The following USP31 variants were observed in gnomAD, a reference collection of about 807,000 sequenced individuals.
USP31 encodes the protein ubiquitin specific peptidase 31, also known as ubiquitin carboxyl-terminal hydrolase 31.
A neutral mutation model predicts 119.4 loss-of-function variants in USP31; 44 were observed. The ratio of observed to expected loss-of-function variants is 0.37; its 90% CI spans 0.29 to 0.47. The LOEUF is 0.47. Among genes scored for constraint, USP31 ranks in the 20% least tolerant of loss-of-function variants. The probability of loss-of-function intolerance (pLI) is 0.99; values close to 1 mark genes in which losing one functional copy is unlikely to be tolerated. For missense variants in USP31, 1,643 were observed against 1,730.2 expected, an observed-to-expected ratio of 0.95 and a Z score of 0.89; for synonymous variants, 749 against 705.6, an observed-to-expected ratio of 1.06 and a Z score of -0.97.
chr16:23,142,967 T>C (rs1903395014), intron 1 of USP31, among the ~76,000 whole-genome samples: 1 of 152,182 alleles, frequency 6.6e-6, no homozygotes, highest in Non-Finnish European at 1.5e-5. Flanking sequence ...GTTTGCAGCA[T>C]AGCACCAGAA....
intron 1 of USP31, among the ~76,000 whole-genome samples, chr16:23,122,552 C>T (rs932707726): frequency 1.3e-5 from 2 of 152,144 alleles, no homozygotes; most frequent in Non-Finnish European, 2.9e-5. Context: ...GTAGAAACAA[C>T]TCAAATGTCC....
At position 23,102,406 on chromosome 16, in the gene USP31, C is replaced by A; in HGVS notation, c.1147G>T (p.Asp383Tyr). Residue 383 changes from aspartate to tyrosine, a missense_variant, in exon 6 of 16, where the codon GAC becomes TAC. Coordinates refer to ENST00000219689, the MANE Select transcript of USP31 (RefSeq NM_020718.4). ...TCGCTTTCATGGACTGTTTCCAGGT[C>A]GTCTGTATCACAAAAGGAACGATGG... ...GFHRSFCDTDDLETVHESDCI... is the reference protein window; with the variant it reads ...GFHRSFCDTDYLETVHESDCI... 6.2e-7 allele frequency: 1 copy of A among 1,613,624 alleles called. No homozygotes were observed. Among genetic ancestry groups the A allele is most frequent in the South Asian group, 1.1e-5 (1 of 91,026 alleles).
At chr16:23,079,854 G>A (rs2141838605) in intron 13 of USP31, 92 bp downstream of exon 13, 1 of 1,230,978 alleles carries the variant, frequency 8.1e-7, no homozygotes, top group South Asian at 1.7e-5. Context: ...TACCGGAGGG[G>A]AAATGAGGCT....
chr16:23,124,604 A>C (rs1489666486), intron 1 of USP31, among the ~76,000 whole-genome samples: 1 of 152,132 alleles, frequency 6.6e-6, no homozygotes, highest in Non-Finnish European at 1.5e-5. Flanking sequence ...CATAACCTAG[A>C]GCATCATGGC....
chr16:23,124,263 C>G (rs749837022), intron 1 of USP31, among the ~76,000 whole-genome samples: 1 of 152,108 alleles, frequency 6.6e-6, no homozygotes. Flanking sequence ...CAAGGAACAA[C>G]TGAGTATGTC....
rs1445064037 is a variant in USP31, at chr16:23,149,012, G to C, written c.259C>G (p.Arg87Gly). The change falls in exon 1 of 16, where the codon CGC becomes GGC. Residue 87 changes from arginine (R) to glycine (G), a missense_variant. Arg to Gly is a moderately radical substitution (Grantham distance 125). Transcript: ENST00000219689. ...HLSSEGAAPDRGGLRSCFPPG... is the reference protein window; with the variant it reads ...HLSSEGAAPDGGGLRSCFPPG... ...GGGAAGCAGCTGCGGAGGCCGCCGCGGTCTGGGGCGGCGCCCTCAGAGCTA... is the reference window on the plus strand; with the variant it reads ...GGGAAGCAGCTGCGGAGGCCGCCGCCGTCTGGGGCGGCGCCCTCAGAGCTA... 13 of 1,126,718 alleles carry C rather than the reference G, an allele frequency of 1.2e-5. No homozygotes were observed. Among genetic ancestry groups the C allele is most frequent in the African/African-American group, 1.7e-5 (1 of 59,252 alleles). The allele number at this position is 1,126,718 out of a possible 1,614,324, so 69.8% of individuals were successfully genotyped here. A position where few individuals can be genotyped will look rare whatever the true frequency, so the allele number is the denominator to read the frequency against.
At chr16:23,130,120 C>G (rs1000130111) in intron 1 of USP31, among the ~76,000 whole-genome samples, 3 of 152,196 alleles carry the variant, frequency 2.0e-5, no homozygotes, top group African/African-American at 7.2e-5. Context: ...TCCCTGTGTT[C>G]CTCTGCCTTT....
chr16:23,078,334 A>C (rs1201960674), intron 13 of USP31, among the ~76,000 whole-genome samples: 1 of 148,338 alleles, frequency 6.7e-6, no homozygotes, highest in Non-Finnish European at 1.5e-5. Context: ...AAAAAAAAGT[A>C]TTTATAAAAA....
chr16:23,141,212 T>C (rs1567249616), intron 1 of USP31, among the ~76,000 whole-genome samples: 1 of 152,162 alleles, frequency 6.6e-6, no homozygotes, highest in Admixed American at 6.5e-5. Flanking sequence ...ACCTCCTCCA[T>C]CCCGCTCTCC....
chr16:23,111,757 T>C (rs760805636), intron 1 of USP31, among the ~76,000 whole-genome samples: 5 of 151,964 alleles, frequency 3.3e-5, no homozygotes, highest in African/African-American at 4.8e-5. Context: ...ATCAAAGATG[T>C]TGTGAGAAAA....
intron 7 of USP31, 68 bp from the exon 8 acceptor site, chr16:23,087,903 T>C (rs1901180027): frequency 1.0e-5 from 14 of 1,377,426 alleles, no homozygotes; most frequent in South Asian, 1.2e-5. Flanking sequence ...TATCTTTTTT[T>C]CTCGATCTCT....
intron 6 of USP31, among the ~76,000 whole-genome samples, chr16:23,101,970 T>TAAAA (rs34773118): frequency 5.8e-5 from 5 of 85,518 alleles, no homozygotes; most frequent in Non-Finnish European, 6.8e-5. Context: ...TAGCAAAATT[T>TAAAA]AAAAAAAAAA....
Position 23,066,745 on chromosome 16 carries a change from T to C in USP31, c.*1301A>G, listed in dbSNP as rs182500667. On this transcript the variant is annotated 3_prime_UTR_variant, in exon 16 of 16. Coordinates refer to ENST00000219689, the MANE Select transcript of USP31 (RefSeq NM_020718.4). Reference sequence around the variant, plus strand: ...CTTGCAAAACTATATACTTTGCTTATCTGTGAGGTTTTTTTTGGTGAGGTT... The same window carrying C: ...CTTGCAAAACTATATACTTTGCTTACCTGTGAGGTTTTTTTTGGTGAGGTT... 6.6e-6 allele frequency: 1 copy of C among 152,294 alleles called. No homozygotes were observed. 9.4% of individuals were successfully genotyped at this position (152,294 alleles called of 1,614,324 possible). A position where few individuals can be genotyped will look rare whatever the true frequency, so the allele number is the denominator to read the frequency against.
Position 23,066,860 on chromosome 16 carries a change from C to G in USP31, c.*1186G>C, listed in dbSNP as rs2141821314. The G allele has an allele frequency of 6.6e-6, 1 of 152,182 alleles. No individual in the cohort carries two copies. The highest frequency in any genetic ancestry group is 1.9e-4 in the East Asian group (1 of 5,182). The allele number at this position is 152,182 out of a possible 1,614,324, so 9.4% of individuals were successfully genotyped here. A position where few individuals can be genotyped will look rare whatever the true frequency, so the allele number is the denominator to read the frequency against. On this transcript the variant is annotated 3_prime_UTR_variant, in exon 16 of 16. Transcript: ENST00000219689. ...GTGAGTTCTGGGCATGAGATGAAAT[C>G]TTAAGAACAAAGAAGAAATAATAAA...
At chr16:23,087,270 A>T in intron 8 of USP31, 84 bp from the exon 9 acceptor site, 1 of 1,222,188 alleles carries the variant, frequency 8.2e-7, no homozygotes, top group Non-Finnish European at 1.2e-6. Flanking sequence ...AACAGATTAG[A>T]GTTACAGTAA....
Position 23,069,639 on chromosome 16 carries a change from TGTTAA to T in USP31, c.2489-28_2489-24del, listed in dbSNP as rs546223190. On this transcript the variant is annotated intron_variant, in intron 15 of 15. Transcript: ENST00000219689. ...CTCCTGAACACAGTAAAGAGAATAC[TGTTAA>T]GTTAAGCCAATGAAGACATTCTAAC... 5.0e-5 allele frequency: 78 copies of T among 1,570,812 alleles called. No individual in the cohort carries two copies. In the East Asian group the frequency reaches 5.6e-4, roughly 11 times the overall value.
chr16:23,124,356 T>C (rs537749927), intron 1 of USP31, among the ~76,000 whole-genome samples: 2 of 152,282 alleles, frequency 1.3e-5, no homozygotes, highest in South Asian at 2.1e-4. Context: ...TGTAAGGATC[T>C]GATGTTCAAA....
At chr16:23,095,319 C>CA (rs1211360506) in intron 6 of USP31, among the ~76,000 whole-genome samples, 1 of 152,132 alleles carries the variant, frequency 6.6e-6, no homozygotes, top group East Asian at 1.9e-4. Context: ...AAGAAATGAA[C>CA]AAAGCTTCCA....
intron 6 of USP31, among the ~76,000 whole-genome samples, chr16:23,097,971 A>G: frequency 6.6e-6 from 1 of 152,134 alleles, no homozygotes; most frequent in Non-Finnish European, 1.5e-5. Flanking sequence ...AGTTCTGGCC[A>G]GGGCAATCAG....
Sources: allele counts gnomAD v4.1 joint callset (sites outside exome capture counted in the v4.1 genomes callset), GRCh38; gene constraint gnomAD v4.1.1; transcripts MANE v1.5; gene names NCBI Gene and HGNC (gene_info 2026-07-23, HGNC 2026-07-21).